Variants in ARHGAP10 observed in about 807,000 individuals in gnomAD.
The protein encoded by ARHGAP10 is rho GTPase-activating protein 10.
Under a neutral mutation model 108.6 loss-of-function variants are expected in ARHGAP10, and 87 were observed. The ratio of observed to expected loss-of-function variants is 0.80; its 90% confidence interval spans 0.67 to 0.96. ARHGAP10 has a LOEUF of 0.96. Among genes scored for constraint, ARHGAP10 ranks in the 40% least tolerant of loss-of-function variants. The pLI is 0.00. For missense variants in ARHGAP10, 939 were observed against 954.5 expected, an observed-to-expected ratio of 0.98 and a Z score of 0.21; for synonymous variants, 347 against 341.1, an observed-to-expected ratio of 1.02 and a Z score of -0.19.
At position 148,061,197 on chromosome 4, in the gene ARHGAP10, ACTTT is replaced by A. The variant is rs529821180; in HGVS notation, c.2028-1950_2028-1947del. Among the ~76,000 whole-genome samples, 252 of 152,002 alleles carry A rather than the reference ACTTT, an allele frequency of 1.7e-3. 2 individuals are homozygous for A. Among genetic ancestry groups the A allele is most frequent in the African/African-American group, 5.7e-3 (237 of 41,466 alleles). Reference sequence around the variant, plus strand: ...GCCACATAAGTGTAGTCACATAGTTACTTTATCTTCTTCCTGTAACTGTCCTCCC... The same window carrying A: ...GCCACATAAGTGTAGTCACATAGTTAATCTTCTTCCTGTAACTGTCCTCCC... On this transcript the variant is annotated intron_variant, in intron 20 of 22. Transcript: ENST00000336498.
chr4:147,740,426 C>T (rs1050570357), intron 1 of ARHGAP10, among the ~76,000 whole-genome samples: 10 of 152,162 alleles, frequency 6.6e-5, no homozygotes, highest in African/African-American at 1.9e-4. Context: ...GGGGTGTAAC[C>T]GTGGTCTTCT....
chr4:147,757,687 C>T (rs1729436860), intron 1 of ARHGAP10, among the ~76,000 whole-genome samples: 1 of 152,238 alleles, frequency 6.6e-6, no homozygotes, highest in African/African-American at 2.4e-5. Flanking sequence ...GTGTCCTCAG[C>T]TTCACCTTCC....
chr4:148,071,634 CAAACAAAA>C (rs1379623230), intron 22 of ARHGAP10, among the ~76,000 whole-genome samples: 3 of 105,134 alleles, frequency 2.9e-5, no homozygotes, highest in African/African-American at 8.5e-5. Context: ...AACAAACAAA[CAAACAAAA>C]AAAAACACAA....
rs549473384 is a variant in ARHGAP10 at position 147,743,073 on chromosome 4, A to G, written c.154+10618A>G. 3.4e-4 allele frequency among the ~76,000 whole-genome samples: 50 copies of G among 148,650 alleles called. No individual in the cohort carries two copies. The South Asian group carries it at 0.01, about 30-fold the overall frequency. ...TTTTTGGAGACAGTCTCACTCTGTC[A>G]CCCAGGCTGCAGTGCTGTGGCATGA... On this transcript the variant is annotated intron_variant, in intron 1 of 22. Coordinates refer to ENST00000336498, the MANE Select transcript of ARHGAP10 (RefSeq NM_024605.4).
At chr4:147,875,478 C>T (rs562729103) in intron 8 of ARHGAP10, among the ~76,000 whole-genome samples, 23 of 152,234 alleles carry the variant, frequency 1.5e-4, no homozygotes, top group South Asian at 1.5e-3. Context: ...GCCAGAGTTA[C>T]GAGGGTATGA....
At chr4:147,938,969 A>G (rs1738063051) in intron 13 of ARHGAP10, among the ~76,000 whole-genome samples, 1 of 152,186 alleles carries the variant, frequency 6.6e-6, no homozygotes, top group Non-Finnish European at 1.5e-5. Context: ...AATTATCAAG[A>G]TTTTGCCACA....
chr4:147,924,097 A>G (rs1737354575), intron 13 of ARHGAP10, among the ~76,000 whole-genome samples: 1 of 152,184 alleles, frequency 6.6e-6, no homozygotes, highest in South Asian at 2.1e-4. Context: ...GCAAATGCAA[A>G]ATTGAAATAA....
chr4:148,041,336 CA>C (rs1728624591), intron 19 of ARHGAP10, among the ~76,000 whole-genome samples: 1 of 152,158 alleles, frequency 6.6e-6, no homozygotes, highest in Non-Finnish European at 1.5e-5. Flanking sequence ...GAAGGGATTT[CA>C]GGGGGGAACT....
At chr4:147,937,636 T>C (rs1268246014) in intron 13 of ARHGAP10, among the ~76,000 whole-genome samples, 4 of 152,190 alleles carry the variant, frequency 2.6e-5, no homozygotes, top group African/African-American at 7.2e-5. Flanking sequence ...CTACTCACAA[T>C]AGCAAAGACA....
intron 8 of ARHGAP10, among the ~76,000 whole-genome samples, chr4:147,875,483 G>T (rs934763664): frequency 1.3e-5 from 2 of 152,090 alleles, no homozygotes; most frequent in Non-Finnish European, 2.9e-5. Flanking sequence ...AGTTACGAGG[G>T]TATGATGTTT....
chr4:147,852,863 C>T (rs1733929895), intron 4 of ARHGAP10, among the ~76,000 whole-genome samples: 1 of 151,970 alleles, frequency 6.6e-6, no homozygotes, highest in Non-Finnish European at 1.5e-5. Flanking sequence ...GGATTACAGA[C>T]ATGCGCCAGC....
chr4:147,824,214 C>T (rs1032997420), intron 3 of ARHGAP10, among the ~76,000 whole-genome samples: 3 of 151,588 alleles, frequency 2.0e-5, no homozygotes, highest in African/African-American at 4.9e-5. Context: ...CCCAGCTACT[C>T]GGGAGGCTGA....
intron 4 of ARHGAP10, among the ~76,000 whole-genome samples, chr4:147,852,216 C>T (rs1733900379): frequency 6.6e-6 from 1 of 152,186 alleles, no homozygotes; most frequent in South Asian, 2.1e-4. Context: ...TAGCATGTGG[C>T]TTATGACCTT....
At chr4:147,804,106 A>G (rs1308966553) in intron 1 of ARHGAP10, among the ~76,000 whole-genome samples, 2 of 151,574 alleles carry the variant, frequency 1.3e-5, no homozygotes, top group Non-Finnish European at 2.9e-5. Context: ...TCCAGGTAAT[A>G]AGCATGGTAC....
intron 1 of ARHGAP10, among the ~76,000 whole-genome samples, chr4:147,802,940 C>T (rs147756709): frequency 4.6e-5 from 7 of 152,232 alleles, no homozygotes; most frequent in African/African-American, 1.7e-4. Flanking sequence ...CGGACTGTGA[C>T]ATGTAAGGGT....
At chr4:147,873,890 G>GGT (rs1553959043) in intron 7 of ARHGAP10, among the ~76,000 whole-genome samples, 24 of 138,440 alleles carry the variant, frequency 1.7e-4, no homozygotes, top group African/African-American at 4.5e-4. Flanking sequence ...AAAAAAAAAA[G>GGT]GGGGGATAAG....
At chr4:147,879,188 C>T in intron 8 of ARHGAP10, 44 bp from the exon 9 acceptor site, 6 of 1,542,432 alleles carry the variant, frequency 3.9e-6, no homozygotes, top group Non-Finnish European at 5.3e-6. Context: ...TGCAAATCTG[C>T]TTATTTATGA....
Position 148,063,228 on chromosome 4 carries a change from C to T in ARHGAP10, c.2108C>T (p.Thr703Ile). 1 of 1,614,202 alleles carries T rather than the reference C, an allele frequency of 6.2e-7. No individual in the cohort carries two copies. Among genetic ancestry groups the T allele is most frequent in the South Asian group, 1.1e-5 (1 of 91,082 alleles). ...PTTTSSNSAVTPLSPGSSPFP... is the reference protein window; with the variant it reads ...PTTTSSNSAVIPLSPGSSPFP... ...ACAACAAGCTCCAACTCAGCTGTGA[C>T]ACCTCTTTCACCCGGGTCGTCCCCT... The change falls in exon 21 of 23, where the codon ACA (threonine) becomes ATA (isoleucine). Residue 703 changes from threonine (T) to isoleucine (I), a missense_variant. By Grantham distance (89) the Thr-to-Ile change is moderately conservative (BLOSUM62 -1). Coordinates refer to ENST00000336498, the MANE Select transcript of ARHGAP10 (RefSeq NM_024605.4).
intron 1 of ARHGAP10, among the ~76,000 whole-genome samples, chr4:147,733,330 G>A (rs1728298589): frequency 6.7e-6 from 1 of 149,844 alleles, no homozygotes; most frequent in Non-Finnish European, 1.5e-5. Flanking sequence ...ACTGGAAAAT[G>A]GGGCGGAATT....
Sources: allele counts gnomAD v4.1 joint callset (sites outside exome capture counted in the v4.1 genomes callset), GRCh38; gene constraint gnomAD v4.1.1; transcripts MANE v1.5; gene names NCBI Gene and HGNC (gene_info 2026-07-23, HGNC 2026-07-21).